The following RPS6KA1 variants were observed in gnomAD, a reference collection of about 807,000 sequenced individuals.
The protein encoded by RPS6KA1 is ribosomal protein S6 kinase alpha-1.
A neutral mutation model predicts 91.3 loss-of-function variants in RPS6KA1; 48 were observed. The observed-to-expected ratio is 0.53, with a 90% confidence interval of 0.42 to 0.67. The LOEUF is 0.67. Ranked by LOEUF, RPS6KA1 falls within the 30% of genes least tolerant of loss-of-function variation. The probability of loss-of-function intolerance (pLI) is 0.00; values close to 1 mark genes in which losing one functional copy is unlikely to be tolerated. For missense variants in RPS6KA1, 719 were observed against 960.5 expected (o/e 0.75, Z 3.32); for synonymous variants, 359 against 384.7 (o/e 0.93, Z 0.78).
chr1:26,554,423 C>A lies in RPS6KA1; in HGVS notation c.613+172C>A. Reference sequence around the variant, plus strand: ...GAACACCCTCAGCTGGAATCCCAGCCCCTCATTGTGTAACGTTGAGCAAGT... The same window carrying A: ...GAACACCCTCAGCTGGAATCCCAGCACCTCATTGTGTAACGTTGAGCAAGT... On this transcript the variant is annotated intron_variant, in intron 8 of 21. Transcript: ENST00000374168. This position sits in a 1 kb window ranked among gnomAD's most constrained non-coding sequence, Gnocchi z 4.6. 8.9e-7 allele frequency: 1 copy of A among 1,122,216 alleles called. No individual in the cohort carries two copies. The highest frequency in any genetic ancestry group is 1.3e-6 in the Non-Finnish European group (1 of 775,472). The allele number at this position is 1,122,216 out of a possible 1,614,324, so 69.5% of individuals were successfully genotyped here.
At position 26,571,440 on chromosome 1, in the gene RPS6KA1, T is replaced by C. The variant is rs775314348; in HGVS notation, c.1591-9T>C. 6.2e-7 allele frequency: 1 copy of C among 1,613,764 alleles called. No homozygotes were observed. The highest frequency in any genetic ancestry group is 8.5e-7 in the Non-Finnish European group (1 of 1,179,788). On this transcript the variant is annotated splice_polypyrimidine_tract_variant and intron_variant, in intron 17 of 21. Transcript: ENST00000374168. This position sits in a 1 kb window ranked among gnomAD's most constrained non-coding sequence, Gnocchi z 5.1. The stretch of plus-strand genomic sequence containing the variant: ...ACACTGAGAACTGACCCCAGCCCCC[T>C]GCCCCTAGGTTGTGCACAGGGACCT...
intron 1 of RPS6KA1, among the ~76,000 whole-genome samples, chr1:26,536,186 A>G (rs1370657591): frequency 6.9e-6 from 1 of 145,820 alleles, no homozygotes; most frequent in East Asian, 2.1e-4. Flanking sequence ...AAGTGGTGCC[A>G]CAGGTGCGAG....
chr1:26,553,518 C>T (rs1333042474), intron 7 of RPS6KA1, 21 bp downstream of exon 7: 3 of 1,540,352 alleles, frequency 1.9e-6, no homozygotes, highest in Non-Finnish European at 2.7e-6. Flanking sequence ...CCTCCAGCCC[C>T]ACCCCAGCCT....
chr1:26,553,546 T>G (rs751534519), intron 7 of RPS6KA1, 49 bp downstream of exon 7: 2 of 1,250,588 alleles, frequency 1.6e-6, no homozygotes, highest in Non-Finnish European at 2.3e-6. Flanking sequence ...GGAGGCCTCT[T>G]CTAGGACAGG....
At position 26,547,322 on chromosome 1, in the gene RPS6KA1, G is replaced by T; in HGVS notation, c.307+52G>T. The T allele has an allele frequency of 6.6e-7, 1 of 1,510,468 alleles. No individual in the cohort carries two copies. Among genetic ancestry groups the T allele is most frequent in the South Asian group, 1.2e-5 (1 of 86,810 alleles). The allele number at this position is 1,510,468 out of a possible 1,614,324, so 93.6% of individuals were successfully genotyped here. ...AACCCAGGCTTGGCTGAGGGAGGCA[G>T]CCCAGACTTCAAGGGCCTTGGGTCT... is the stretch of plus-strand genomic sequence containing the variant. On this transcript the variant is annotated intron_variant, in intron 4 of 21. Coordinates refer to ENST00000374168, the MANE Select transcript of RPS6KA1 (RefSeq NM_002953.4). The surrounding 1 kb of genome is among the most constrained non-coding windows in gnomAD (Gnocchi z 4.1).
chr1:26,560,072 A>T (rs12732629), intron 14 of RPS6KA1, among the ~76,000 whole-genome samples: 7,703 of 152,334 alleles, frequency 0.051, 227 homozygotes, highest in East Asian at 0.12. Flanking sequence ...AAAATAAATA[A>T]ATAAAATAAA....
Position 26,554,281 on chromosome 1 carries a change from C to A in RPS6KA1, c.613+30C>A. 1 of 1,553,584 alleles carries A rather than the reference C, an allele frequency of 6.4e-7. No homozygotes were observed. Reference sequence around the variant, plus strand: ...GTGGAGGGCGCCTGCCCCCTCGGGACCCAGGGGAGGACAGGACAAGGTCAT... The same window carrying A: ...GTGGAGGGCGCCTGCCCCCTCGGGAACCAGGGGAGGACAGGACAAGGTCAT... On this transcript the variant is annotated intron_variant, in intron 8 of 21. Coordinates refer to ENST00000374168, the MANE Select transcript of RPS6KA1 (RefSeq NM_002953.4). This position sits in a 1 kb window ranked among gnomAD's most constrained non-coding sequence, Gnocchi z 4.6.
chr1:26,537,202 C>T lies in RPS6KA1; in HGVS notation c.108+233C>T, dbSNP rs142753003. 3.8e-3 allele frequency among the ~76,000 whole-genome samples: 578 copies of T among 152,342 alleles called. 7 individuals are homozygous for T. Among genetic ancestry groups the T allele is most frequent in the African/African-American group, 0.013 (527 of 41,578 alleles). On this transcript the variant is annotated intron_variant, in intron 2 of 21. Coordinates refer to ENST00000374168, the MANE Select transcript of RPS6KA1 (RefSeq NM_002953.4). Reference sequence around the variant, plus strand: ...AAAGGGTCAGGAGCAGAATCCAGGTCAGGGCTCTGGTTACCTGTCACCCAG... The same window carrying T: ...AAAGGGTCAGGAGCAGAATCCAGGTTAGGGCTCTGGTTACCTGTCACCCAG...
Position 26,554,364 on chromosome 1 carries a change from T to G in RPS6KA1, c.613+113T>G. ...CTTCCCGAGAAGCCGTGCCAGTTAC[T>G]TGGAAGTGGTCAAAAACTCAGGCCT... On this transcript the variant is annotated intron_variant, in intron 8 of 21. Transcript: ENST00000374168. This position sits in a 1 kb window ranked among gnomAD's most constrained non-coding sequence, Gnocchi z 4.6. 8.0e-7 allele frequency: 1 copy of G among 1,247,490 alleles called. No individual in the cohort carries two copies. Among genetic ancestry groups the G allele is most frequent in the Admixed American group, 2.4e-5 (1 of 41,924 alleles). The allele number at this position is 1,247,490 out of a possible 1,614,324, so 77.3% of individuals were successfully genotyped here.
In RPS6KA1 at chr1:26,561,656, C is replaced by A. The variant is rs1175760676; in HGVS notation, c.1583C>A (p.Ser528Ter). 1 of 1,603,326 alleles carries A rather than the reference C, an allele frequency of 6.2e-7. No individual in the cohort carries two copies. The highest frequency in any genetic ancestry group is 1.7e-5 in the Admixed American group (1 of 59,440). The change falls in exon 17 of 22, where the codon TCA becomes TAA. Residue 528 changes from serine to a stop codon, truncating the protein, a stop_gained. Transcript: ENST00000374168. LOFTEE classifies it high-confidence loss of function. The surrounding 1 kb of genome is among the most constrained non-coding windows in gnomAD (Gnocchi z 5.7). ...GGCAAAACTGTGGAGTATCTGCACT[C>A]ACAGGGGGTGAGTCTGGATTCGGGG... ...TIGKTVEYLH[S>*]QGVVHRDLKP...
In RPS6KA1 at chr1:26,557,027, C is replaced by T. The variant is rs11546001; in HGVS notation, c.1011C>T (p.Pro337=). 6.2e-7 allele frequency: 1 copy of T among 1,614,120 alleles called. No individual in the cohort carries two copies. The highest frequency in any genetic ancestry group is 1.1e-5 in the South Asian group (1 of 91,084). The part of the protein sequence containing the change: ...NKLYRREIKP[P]FKPAVAQPDD... Reference sequence around the variant, plus strand: ...TATACCGTCGTGAGATCAAGCCACCCTTCAAGCCAGCAGTGGCTCAGCCTG... The same window carrying T: ...TATACCGTCGTGAGATCAAGCCACCTTTCAAGCCAGCAGTGGCTCAGCCTG... The change falls in exon 13 of 22, where the codon CCC becomes CCT. Residue 337 remains proline (P), a synonymous_variant. Coordinates refer to ENST00000374168, the MANE Select transcript of RPS6KA1 (RefSeq NM_002953.4).
rs374581897 is a variant in RPS6KA1, at chr1:26,572,179, T to C, written c.1833T>C (p.Tyr611=). Residue 611 remains tyrosine, a synonymous_variant, in exon 20 of 22, where the codon TAT becomes TAC. Transcript: ENST00000374168. The part of the protein sequence containing the change: ...GILLYTMLAG[Y]TPFANGPSDT... ...GACCGTGCGGGCTTTTCTGCAGATA[T>C]ACTCCATTTGCCAACGGTCCCAGTG... 3 of 1,613,326 alleles carry C rather than the reference T, an allele frequency of 1.9e-6. No individual in the cohort carries two copies. Among genetic ancestry groups the C allele is most frequent in the Non-Finnish European group, 2.5e-6 (3 of 1,179,482 alleles).
chr1:26,572,016 C>A, intron 19 of RPS6KA1, 91 bp downstream of exon 19: 1 of 1,411,728 alleles, frequency 7.1e-7, no homozygotes, highest in Non-Finnish European at 9.9e-7. Flanking sequence ...GCTCAGCCAG[C>A]CCCGCCCCAG....
At chr1:26,549,690 CTTTTT>C (rs561375723) in intron 4 of RPS6KA1, among the ~76,000 whole-genome samples, 10 of 101,916 alleles carry the variant, frequency 9.8e-5, no homozygotes, top group African/African-American at 3.7e-4. Flanking sequence ...AAAGCCTGTT[CTTTTT>C]TTTTTTTTTT....
chr1:26,568,296 A>G (rs2076221407), intron 17 of RPS6KA1, among the ~76,000 whole-genome samples: 1 of 151,646 alleles, frequency 6.6e-6, no homozygotes, highest in African/African-American at 2.4e-5. Context: ...CCCAACATAC[A>G]CTCCTGAGGG....
chr1:26,534,703 G>A (rs760308809), intron 1 of RPS6KA1, among the ~76,000 whole-genome samples: 2 of 152,066 alleles, frequency 1.3e-5, no homozygotes, highest in East Asian at 1.9e-4. Flanking sequence ...ACTTTGATCC[G>A]CATTTCACAG....
chr1:26,568,067 GT>G (rs1026844430), intron 17 of RPS6KA1, among the ~76,000 whole-genome samples: 1 of 152,188 alleles, frequency 6.6e-6, no homozygotes, highest in Non-Finnish European at 1.5e-5. Context: ...GATAAGGGGT[GT>G]TTTTTGATTT....
chr1:26,549,137 G>A (rs577334052), intron 4 of RPS6KA1, among the ~76,000 whole-genome samples: 1 of 150,358 alleles, frequency 6.7e-6, no homozygotes, highest in East Asian at 1.9e-4. Context: ...ACTAGTGAAG[G>A]CTTTGGGACT....
chr1:26,554,428 A>C lies in RPS6KA1; in HGVS notation c.614-168A>C. The C allele has an allele frequency of 8.8e-7, 1 of 1,135,808 alleles. No individual in the cohort carries two copies. The highest frequency in any genetic ancestry group is 1.5e-5 in the South Asian group (1 of 67,460). The allele number at this position is 1,135,808 out of a possible 1,614,324, so 70.4% of individuals were successfully genotyped here. ...CCCTCAGCTGGAATCCCAGCCCCTC[A>C]TTGTGTAACGTTGAGCAAGTCACCT... On this transcript the variant is annotated intron_variant, in intron 8 of 21. Coordinates refer to ENST00000374168, the MANE Select transcript of RPS6KA1 (RefSeq NM_002953.4). The surrounding 1 kb of genome is among the most constrained non-coding windows in gnomAD (Gnocchi z 4.6).
Sources: gnomAD v4.1 joint callset for allele counts (sites outside exome capture counted in the v4.1 genomes callset) on GRCh38, gnomAD v4.1.1 for gene constraint, Gnocchi (gnomAD v3.1) non-coding constraint, MANE v1.5 for transcripts, NCBI Gene and HGNC (gene_info 2026-07-23, HGNC 2026-07-21) for gene names.